The following FNDC3B variants were observed in gnomAD, a reference collection of about 807,000 sequenced individuals.
FNDC3B encodes fibronectin type III domain-containing protein 3B.
Under a neutral mutation model 151.5 loss-of-function variants are expected in FNDC3B, and 12 were observed. The ratio of observed to expected loss-of-function variants is 0.08; its 90% CI spans 0.05 to 0.13. The LOEUF is 0.13. Among genes scored for constraint, FNDC3B ranks in the 10% least tolerant of loss-of-function variants. FNDC3B has a pLI of 1.00. For missense variants in FNDC3B, 1,214 were observed against 1,505.3 expected (o/e 0.81, Z 3.20); for synonymous variants, 528 against 549.0 (o/e 0.96, Z 0.54).
chr3:172,251,612 T>C, intron 6 of FNDC3B, 71 bp downstream of exon 6: 1 of 1,377,494 alleles, frequency 7.3e-7, no homozygotes, highest in Non-Finnish European at 9.8e-7. Flanking sequence ...TTTCCACATC[T>C]TTTACATGAG....
intron 6 of FNDC3B, among the ~76,000 whole-genome samples, chr3:172,257,321 C>T (rs1056956878): frequency 2.0e-5 from 3 of 152,110 alleles, no homozygotes; most frequent in African/African-American, 7.2e-5. Flanking sequence ...TCATATATGA[C>T]TTTTACATTT....
intron 6 of FNDC3B, among the ~76,000 whole-genome samples, chr3:172,269,387 T>G (rs1729076604): frequency 6.6e-6 from 1 of 152,056 alleles, no homozygotes; most frequent in Non-Finnish European, 1.5e-5. Flanking sequence ...GCCTCCTGAA[T>G]AGCTGGGACC....
chr3:172,150,942 T>C (rs751730915), intron 3 of FNDC3B, among the ~76,000 whole-genome samples: 1 of 152,158 alleles, frequency 6.6e-6, no homozygotes, highest in Non-Finnish European at 1.5e-5. Context: ...CAAATCTACA[T>C]AGGTTTTTTT....
chr3:172,242,054 A>G (rs972899123), intron 4 of FNDC3B, among the ~76,000 whole-genome samples: 25 of 152,214 alleles, frequency 1.6e-4, no homozygotes, highest in South Asian at 2.1e-4. Context: ...ACAAATCCAA[A>G]ATCCAGTGGG....
chr3:172,229,132 CACACA>C (rs1261715165), intron 4 of FNDC3B, among the ~76,000 whole-genome samples: 4 of 87,432 alleles, frequency 4.6e-5, no homozygotes, highest in African/African-American at 1.6e-4. Context: ...CACACACACA[CACACA>C]ATCTCCTGCA....
At chr3:172,365,105 C>T (rs1734548843) in intron 23 of FNDC3B, among the ~76,000 whole-genome samples, 1 of 152,152 alleles carries the variant, frequency 6.6e-6, no homozygotes, top group Non-Finnish European at 1.5e-5. Context: ...AACTTTGGAT[C>T]TTGGCACATG....
At chr3:172,092,204 C>T (rs989763485) in intron 1 of FNDC3B, among the ~76,000 whole-genome samples, 2 of 152,096 alleles carry the variant, frequency 1.3e-5, no homozygotes, top group Non-Finnish European at 2.9e-5. Context: ...TCTCTCCATG[C>T]AAAAGCTCTG....
At chr3:172,307,218 A>G (rs1731241641) in intron 9 of FNDC3B, 145 bp from the exon 10 acceptor site, 1 of 808,500 alleles carries the variant, frequency 1.2e-6, no homozygotes, top group South Asian at 1.7e-5. Context: ...GGTCAGGACA[A>G]GACCAACAGA....
chr3:172,396,092 CATTCTT>C (rs1462034641), intron 25 of FNDC3B, among the ~76,000 whole-genome samples: 78 of 152,266 alleles, frequency 5.1e-4, no homozygotes, highest in South Asian at 6.2e-4. Flanking sequence ...ACATTCATAA[CATTCTT>C]ATTAATAGCA....
chr3:172,310,899 T>C lies in FNDC3B; in HGVS notation c.1254+18T>C, dbSNP rs897150812. The C allele has an allele frequency of 1.9e-6, 3 of 1,581,258 alleles. No homozygotes were observed. Among genetic ancestry groups the C allele is most frequent in the Non-Finnish European group, 2.6e-6 (3 of 1,150,104 alleles). Reference sequence around the variant, plus strand: ...GGGATGAGGTAAGCTTATTTTCATATTCACCCATCTAAAACACCATTTCAA... The same window carrying C: ...GGGATGAGGTAAGCTTATTTTCATACTCACCCATCTAAAACACCATTTCAA... On this transcript the variant is annotated intron_variant, in intron 11 of 25. Transcript: ENST00000415807.
chr3:172,331,948 T>G (rs1366912887), intron 13 of FNDC3B, among the ~76,000 whole-genome samples: 1 of 152,132 alleles, frequency 6.6e-6, no homozygotes, highest in Non-Finnish European at 1.5e-5. Context: ...ATATGCATGT[T>G]GGCCTATAGT....
chr3:172,392,568 G>A (rs1280946991), intron 25 of FNDC3B, among the ~76,000 whole-genome samples: 2 of 151,944 alleles, frequency 1.3e-5, no homozygotes, highest in Non-Finnish European at 2.9e-5. Context: ...TTCATGTCCA[G>A]TGCACTTGTA....
intron 6 of FNDC3B, among the ~76,000 whole-genome samples, chr3:172,270,087 A>G (rs1729124662): frequency 1.3e-5 from 2 of 152,358 alleles, no homozygotes; most frequent in African/African-American, 4.8e-5. Flanking sequence ...CAAGTAACAC[A>G]TTTCTGTATA....
intron 3 of FNDC3B, among the ~76,000 whole-genome samples, chr3:172,180,833 G>C (rs901841693): frequency 6.6e-6 from 1 of 152,176 alleles, no homozygotes. Flanking sequence ...ATTACTTTCA[G>C]ATTCTTAGTA....
At chr3:172,391,131 G>T (rs953125812) in intron 25 of FNDC3B, among the ~76,000 whole-genome samples, 3 of 152,118 alleles carry the variant, frequency 2.0e-5, no homozygotes, top group African/African-American at 4.8e-5. Context: ...CCCTTTATTT[G>T]CTAAGAGACT....
At chr3:172,261,131 G>A (rs1261976321) in intron 6 of FNDC3B, among the ~76,000 whole-genome samples, 1 of 152,090 alleles carries the variant, frequency 6.6e-6, no homozygotes, top group Admixed American at 6.5e-5. Flanking sequence ...CATGTCTTCC[G>A]CATTCTGTGG....
chr3:172,389,586 G>C (rs12497429), intron 25 of FNDC3B, among the ~76,000 whole-genome samples: 17,797 of 152,100 alleles, frequency 0.12, 1,241 homozygotes, highest in African/African-American at 0.21. Flanking sequence ...GTTCACGTGT[G>C]GGGGGGTGGC....
At chr3:172,342,638 T>C (rs1733385487) in intron 17 of FNDC3B, among the ~76,000 whole-genome samples, 1 of 152,234 alleles carries the variant, frequency 6.6e-6, no homozygotes, top group South Asian at 2.1e-4. Flanking sequence ...TATGGTACCA[T>C]TTTAAAATTT....
At chr3:172,317,359 T>G in intron 11 of FNDC3B, 1 of 293,012 alleles carries the variant, frequency 3.4e-6, no homozygotes, top group Non-Finnish European at 6.8e-6. Flanking sequence ...AATTTTTTTG[T>G]ATTTTTAATA....
Sources: allele counts gnomAD v4.1 joint callset (sites outside exome capture counted in the v4.1 genomes callset), GRCh38; gene constraint gnomAD v4.1.1; transcripts MANE v1.5; gene names NCBI Gene and HGNC (gene_info 2026-07-23, HGNC 2026-07-21).